The following SESTD1 variants were observed in gnomAD, a reference collection of about 807,000 sequenced individuals.
SESTD1 encodes SEC14 domain and spectrin repeat-containing protein 1.
SESTD1 carries 43 observed loss-of-function variants against 101.7 expected under a neutral mutation model. The ratio of observed to expected loss-of-function variants is 0.42; its 90% CI spans 0.33 to 0.55. SESTD1 has a LOEUF of 0.55. Ranked by LOEUF, SESTD1 falls within the 20% of genes least tolerant of loss-of-function variation. SESTD1 has a pLI of 0.07. For synonymous variants in SESTD1, 283 were observed against 286.8 expected (o/e 0.99, Z 0.13); for missense variants, 647 against 815.1 (o/e 0.79, Z 2.51).
chr2:179,210,033 C>T lies in SESTD1; in HGVS notation c.-25-18167G>A, dbSNP rs78196664. Among the ~76,000 whole-genome samples, 720 of 131,754 alleles carry T rather than the reference C, an allele frequency of 5.5e-3. 140 individuals are homozygous for T. The highest frequency in any genetic ancestry group is 8.4e-3 in the South Asian group (29 of 3,440). 86.4% of individuals were successfully genotyped at this position (131,754 alleles called of 152,430 possible). On this transcript the variant is annotated intron_variant, in intron 1 of 17. Transcript: ENST00000428443. ...GAAATGAAATGGGAGATATTATAAC[C>T]GAGATCATTCAAGGCTGCCATGAAC...
Position 179,110,105 on chromosome 2 carries a change from A to G in SESTD1, c.1962-77T>C, listed in dbSNP as rs185713560. 161 of 1,445,228 alleles carry G rather than the reference A, an allele frequency of 1.1e-4. No individual in the cohort carries two copies. In the African/African-American group the frequency reaches 2.0e-3, roughly 18 times the overall value. The allele number at this position is 1,445,228 out of a possible 1,614,324, so 89.5% of individuals were successfully genotyped here. A position where few individuals can be genotyped will look rare whatever the true frequency, so the allele number is the denominator to read the frequency against. ...TGCAGTGAATACAAATAGAAGCAAA[A>G]ATTTACCATAAAAAATCTACATGAG... On this transcript the variant is annotated intron_variant, in intron 17 of 17. Transcript: ENST00000428443.
chr2:179,107,059 A>C lies in SESTD1; in HGVS notation c.*2840T>G, dbSNP rs543144357. 40 of 152,178 alleles carry C rather than the reference A, an allele frequency of 2.6e-4. No individual in the cohort carries two copies. Among genetic ancestry groups the C allele is most frequent in the African/African-American group, 9.4e-4 (39 of 41,460 alleles). 9.4% of individuals were successfully genotyped at this position (152,178 alleles called of 1,614,324 possible). A position where few individuals can be genotyped will look rare whatever the true frequency, so the allele number is the denominator to read the frequency against. On this transcript the variant is annotated 3_prime_UTR_variant, in exon 18 of 18. Transcript: ENST00000428443. Reference sequence around the variant, plus strand: ...CTAAAGGAATGTGGGAGGTTGTGACATATATACCAATTACAAATGAGTGGT... The same window carrying C: ...CTAAAGGAATGTGGGAGGTTGTGACCTATATACCAATTACAAATGAGTGGT...
intron 4 of SESTD1, 81 bp from the exon 5 acceptor site, chr2:179,172,314 A>G: frequency 2.2e-6 from 2 of 894,618 alleles, no homozygotes; most frequent in Non-Finnish European, 3.4e-6. Context: ...CAGACAGTCA[A>G]GATTATGCTA....
At chr2:179,134,668 T>C (rs890778236) in intron 9 of SESTD1, among the ~76,000 whole-genome samples, 2 of 152,174 alleles carry the variant, frequency 1.3e-5, no homozygotes, top group African/African-American at 4.8e-5. Flanking sequence ...GGTTTTCCAA[T>C]AGAGATCTTC....
Position 179,103,294 on chromosome 2 carries a change from T to C in SESTD1, c.*6605A>G, listed in dbSNP as rs2044311507. On this transcript the variant is annotated 3_prime_UTR_variant, in exon 18 of 18. Coordinates refer to ENST00000428443, the MANE Select transcript of SESTD1 (RefSeq NM_178123.5). ...GTTATTCCAAACTCACTTCTTCTAA[T>C]ACTTCAATATGGATCATAAAAATAG... The C allele has an allele frequency of 6.6e-6, 1 of 152,146 alleles. No homozygotes were observed. Among genetic ancestry groups the C allele is most frequent in the African/African-American group, 2.4e-5 (1 of 41,442 alleles). 9.4% of individuals were successfully genotyped at this position (152,146 alleles called of 1,614,324 possible).
At position 179,264,825 on chromosome 2, in the gene SESTD1, G is replaced by A. The variant is rs1460685468; in HGVS notation, c.-352C>T. On this transcript the variant is annotated 5_prime_UTR_variant, in exon 1 of 18. Coordinates refer to ENST00000428443, the MANE Select transcript of SESTD1 (RefSeq NM_178123.5). The stretch of plus-strand genomic sequence containing the variant: ...TACAGCAACCCGCCCGGCGCGGGAA[G>A]GAGGAAGGAGGCGGGGCGGGGCGGG... 6.6e-6 allele frequency: 1 copy of A among 151,666 alleles called. No homozygotes were observed. The highest frequency in any genetic ancestry group is 1.5e-5 in the Non-Finnish European group (1 of 67,830). The allele number at this position is 151,666 out of a possible 1,614,324, so 9.4% of individuals were successfully genotyped here.
intron 1 of SESTD1, among the ~76,000 whole-genome samples, chr2:179,195,015 G>A (rs1357744019): frequency 6.6e-6 from 1 of 152,138 alleles, no homozygotes; most frequent in East Asian, 1.9e-4. Flanking sequence ...CAGAGCTACA[G>A]AGAAAGAAAA....
chr2:179,147,066 TCTAA>T (rs1347797881), intron 7 of SESTD1, among the ~76,000 whole-genome samples: 3 of 152,042 alleles, frequency 2.0e-5, no homozygotes, highest in African/African-American at 7.3e-5. Context: ...ACCTTGCTGC[TCTAA>T]CTGACTGGTC....
At chr2:179,228,522 G>C (rs1359078927) in intron 1 of SESTD1, among the ~76,000 whole-genome samples, 2 of 152,086 alleles carry the variant, frequency 1.3e-5, no homozygotes, top group African/African-American at 4.8e-5. Flanking sequence ...GTAGAACTAG[G>C]GACTCATCCT....
rs2044466789 is a variant in SESTD1 at position 179,109,835 on chromosome 2, A to G, written c.*64T>C. 3.2e-6 allele frequency: 5 copies of G among 1,580,798 alleles called. No individual in the cohort carries two copies. The East Asian group carries it at 1.1e-4, about 36-fold the overall frequency. ...AATGCATCTTAAGGTGTGGTGGCTAATGCTGTAGTATGTTGACAACATGCG... is the reference window on the plus strand; with the variant it reads ...AATGCATCTTAAGGTGTGGTGGCTAGTGCTGTAGTATGTTGACAACATGCG... On this transcript the variant is annotated 3_prime_UTR_variant, in exon 18 of 18. Coordinates refer to ENST00000428443, the MANE Select transcript of SESTD1 (RefSeq NM_178123.5).
chr2:179,133,639 A>G (rs1352080391), intron 9 of SESTD1, among the ~76,000 whole-genome samples: 1 of 152,242 alleles, frequency 6.6e-6, no homozygotes, highest in Non-Finnish European at 1.5e-5. Context: ...GATAGCTCCC[A>G]AGAAGTGAAT....
chr2:179,149,457 T>A (rs1348354466), intron 6 of SESTD1, 63 bp from the exon 7 acceptor site: 1 of 1,163,268 alleles, frequency 8.6e-7, no homozygotes, highest in East Asian at 2.7e-5. Context: ...TAATAAGGAT[T>A]GTCAGTTAAG....
At chr2:179,246,876 T>C (rs1014439136) in intron 1 of SESTD1, among the ~76,000 whole-genome samples, 2 of 152,190 alleles carry the variant, frequency 1.3e-5, no homozygotes, top group East Asian at 1.9e-4. Context: ...AGAGTGAAAG[T>C]AGGTTAATGG....
At chr2:179,113,818 A>G (rs892826655) in intron 16 of SESTD1, among the ~76,000 whole-genome samples, 7 of 151,682 alleles carry the variant, frequency 4.6e-5, no homozygotes, top group African/African-American at 7.3e-5. Flanking sequence ...GTGAGCTGAG[A>G]TCATGCCACT....
rs1472818112 is a variant in SESTD1, at chr2:179,109,789, T to G, written c.*110A>C. ...AAGAGAAATGTGTCATGAAAAGAAA[T>G]GAGACTTATTTTGGCTGTGAAATGC... On this transcript the variant is annotated 3_prime_UTR_variant, in exon 18 of 18. Coordinates refer to ENST00000428443, the MANE Select transcript of SESTD1 (RefSeq NM_178123.5). The G allele has an allele frequency of 5.8e-6, 8 of 1,372,012 alleles. No individual in the cohort carries two copies. The highest frequency in any genetic ancestry group is 4.4e-5 in the Admixed American group (2 of 45,786). The allele number at this position is 1,372,012 out of a possible 1,614,324, so 85.0% of individuals were successfully genotyped here. A position where few individuals can be genotyped will look rare whatever the true frequency, so the allele number is the denominator to read the frequency against.
intron 9 of SESTD1, 144 bp from the exon 10 acceptor site, chr2:179,132,570 T>C: frequency 2.2e-6 from 2 of 916,894 alleles, no homozygotes; most frequent in Non-Finnish European, 3.1e-6. Context: ...AGTAAATGTT[T>C]CTTTTGGAAC....
chr2:179,165,857 T>G (rs1210766284), intron 5 of SESTD1, among the ~76,000 whole-genome samples: 1 of 152,158 alleles, frequency 6.6e-6, no homozygotes, highest in Non-Finnish European at 1.5e-5. Context: ...TGGCATCTAC[T>G]TAGGATGTAG....
intron 5 of SESTD1, among the ~76,000 whole-genome samples, chr2:179,164,745 T>A (rs1471284389): frequency 3.3e-5 from 5 of 151,854 alleles, no homozygotes; most frequent in Non-Finnish European, 5.9e-5. Flanking sequence ...GAAGAAAAAA[T>A]TTAGAAAGTA....
intron 5 of SESTD1, among the ~76,000 whole-genome samples, chr2:179,161,237 T>C (rs558258293): frequency 1.3e-4 from 20 of 152,158 alleles, no homozygotes; most frequent in African/African-American, 3.6e-4. Context: ...TAACATATTA[T>C]ACCAAGATAA....
Sources: gnomAD v4.1 joint callset for allele counts (sites outside exome capture counted in the v4.1 genomes callset) on GRCh38, gnomAD v4.1.1 for gene constraint, MANE v1.5 for transcripts, NCBI Gene and HGNC (gene_info 2026-07-23, HGNC 2026-07-21) for gene names.